ESYT1: variants seen among roughly 807,000 people sequenced by gnomAD.
ESYT1 encodes extended synaptotagmin 1.
In ESYT1, 116 loss-of-function variants were observed where a neutral mutation model predicts 154.2. The observed-to-expected ratio is 0.75, with a 90% confidence interval of 0.65 to 0.88. The LOEUF is 0.88. Among genes scored for constraint, ESYT1 ranks in the 40% least tolerant of loss-of-function variants. The pLI is 0.00. For missense variants in ESYT1, 1,264 were observed against 1,379.3 expected, an observed-to-expected ratio of 0.92 and a Z score of 1.32; for synonymous variants, 500 against 539.9, an observed-to-expected ratio of 0.93 and a Z score of 1.02.
rs1488085231 is a variant in ESYT1, at chr12:56,137,205, C to G, written c.1783-13C>G. ...TGCACTTCTTTGATTCAGCATCATACTACCCTTCCTAGATCCTGTACTTGG... is the reference window on the plus strand; with the variant it reads ...TGCACTTCTTTGATTCAGCATCATAGTACCCTTCCTAGATCCTGTACTTGG... On this transcript the variant is annotated splice_polypyrimidine_tract_variant and intron_variant, in intron 16 of 30. Transcript: ENST00000394048. The G allele has an allele frequency of 1.2e-6, 2 of 1,614,100 alleles. No individual in the cohort carries two copies. The highest frequency in any genetic ancestry group is 4.5e-5 in the East Asian group (2 of 44,886).
In ESYT1 at chr12:56,133,437, A is replaced by G; in HGVS notation, c.1265A>G (p.Lys422Arg). The G allele has an allele frequency of 6.2e-7, 1 of 1,614,188 alleles. No individual in the cohort carries two copies. Among genetic ancestry groups the G allele is most frequent in the African/African-American group, 1.3e-5 (1 of 75,050 alleles). Residue 422 changes from lysine (K) to arginine (R), a missense_variant, in exon 11 of 31, where the codon AAG becomes AGG. By Grantham distance (26) the Lys-to-Arg change is conservative. Coordinates refer to ENST00000394048, the MANE Select transcript of ESYT1 (RefSeq NM_015292.3). ...CTCAGAATGAAGCTGGATGTAGGGA[A>G]GGTGTTACAGGCTAGCGTTCTGGAT... ...FLGRMKLDVG[K>R]VLQASVLDDW... is the part of the protein sequence containing the mutation.
Position 56,142,853 on chromosome 12 carries a change from C to T in ESYT1, c.2907C>T (p.Ala969=), listed in dbSNP as rs753463017. 20 of 1,614,186 alleles carry T rather than the reference C, an allele frequency of 1.2e-5. No individual in the cohort carries two copies. Among genetic ancestry groups the T allele is most frequent in the South Asian group, 4.4e-5 (4 of 91,074 alleles). ...THVDSPLEAP[A]GPLGQVKLTL... The stretch of plus-strand genomic sequence containing the variant: ...TCCACAGTCCCCTTGAGGCTCCAGC[C>T]GGGCCTCTGGGCCAGGTGAAACTGA... Residue 969 remains alanine, a synonymous_variant, in exon 27 of 31, where the codon GCC becomes GCT. Transcript: ENST00000394048. This position sits in a 1 kb window ranked among gnomAD's most constrained non-coding sequence, Gnocchi z 4.1.
intron 21 of ESYT1, 23 bp downstream of exon 21, chr12:56,138,295 G>A (rs1238914381): frequency 6.2e-7 from 1 of 1,613,930 alleles, no homozygotes; most frequent in East Asian, 2.2e-5. Context: ...ACTTGAGGAA[G>A]GAAGGGACCC....
At chr12:56,130,062 C>T (rs1484529329) in intron 1 of ESYT1, among the ~76,000 whole-genome samples, 1 of 152,100 alleles carries the variant, frequency 6.6e-6, no homozygotes, top group Admixed American at 6.5e-5. Flanking sequence ...TACAGTCACG[C>T]GCCACCACGC....
chr12:56,133,069 C>T lies in ESYT1; in HGVS notation c.1244+268C>T, dbSNP rs943547821. Among the ~76,000 whole-genome samples the T allele has an allele frequency of 6.6e-5, 10 of 151,810 alleles. No individual in the cohort carries two copies. In the South Asian group the frequency reaches 1.7e-3, roughly 25 times the overall value. On this transcript the variant is annotated intron_variant, in intron 10 of 30. Coordinates refer to ENST00000394048, the MANE Select transcript of ESYT1 (RefSeq NM_015292.3). ...CCGGGAGGAGGAGTTTGCAGTGAGCCGAGATCGCGCCACTGCACTCCAGCC... is the reference window on the plus strand; with the variant it reads ...CCGGGAGGAGGAGTTTGCAGTGAGCTGAGATCGCGCCACTGCACTCCAGCC...
chr12:56,137,076 G>C, intron 16 of ESYT1, 142 bp from the exon 17 acceptor site: 1 of 1,307,078 alleles, frequency 7.7e-7, no homozygotes, highest in Middle Eastern at 2.4e-4. Context: ...GAGGGGGTGT[G>C]GAGGGAACCC....
chr12:56,139,526 G>T (rs184505084), intron 24 of ESYT1, among the ~76,000 whole-genome samples: 2 of 152,048 alleles, frequency 1.3e-5, no homozygotes, highest in African/African-American at 4.8e-5. Context: ...AAGAAAGGAA[G>T]GGTTCAGGCT....
chr12:56,135,515 A>G (rs764831480), intron 15 of ESYT1, among the ~76,000 whole-genome samples: 3 of 152,084 alleles, frequency 2.0e-5, no homozygotes, highest in Non-Finnish European at 4.4e-5. Flanking sequence ...CACAAAACAT[A>G]GTATCTGCCT....
rs757219691 is a variant in ESYT1 at position 56,143,347 on chromosome 12, A to G, written c.3225+14A>G. 2.2e-5 allele frequency: 36 copies of G among 1,612,462 alleles called. No individual in the cohort carries two copies. In the African/African-American group the frequency reaches 4.7e-4, roughly 21 times the overall value. ...CTGCTGGGGAAGGTAAGAGGGCAGGATGGCAGGGCAGAGGTGAGGGCTGGA... is the reference window on the plus strand; with the variant it reads ...CTGCTGGGGAAGGTAAGAGGGCAGGGTGGCAGGGCAGAGGTGAGGGCTGGA... On this transcript the variant is annotated intron_variant, in intron 29 of 30. Transcript: ENST00000394048.
chr12:56,130,060 C>T (rs375099308), intron 1 of ESYT1, among the ~76,000 whole-genome samples: 20 of 152,092 alleles, frequency 1.3e-4, no homozygotes, highest in East Asian at 1.2e-3. Context: ...ATTACAGTCA[C>T]GCGCCACCAC....
rs747020060 is a variant in ESYT1 at position 56,130,774 on chromosome 12, T to A, written c.433-17T>A. The A allele has an allele frequency of 1.2e-6, 2 of 1,613,676 alleles. No homozygotes were observed. The highest frequency in any genetic ancestry group is 1.7e-6 in the Non-Finnish European group (2 of 1,179,934). ...GGAAGACTGGACTCTCCTCTGACCATCTCTCTTTCCTCCCAGATTGTGGCC... is the reference window on the plus strand; with the variant it reads ...GGAAGACTGGACTCTCCTCTGACCAACTCTCTTTCCTCCCAGATTGTGGCC... On this transcript the variant is annotated splice_polypyrimidine_tract_variant and intron_variant, in intron 2 of 30. Coordinates refer to ENST00000394048, the MANE Select transcript of ESYT1 (RefSeq NM_015292.3).
chr12:56,134,553 C>A, intron 15 of ESYT1, 125 bp downstream of exon 15: 1 of 776,522 alleles, frequency 1.3e-6, no homozygotes, highest in Non-Finnish European at 2.3e-6. Flanking sequence ...GACTCCCCAC[C>A]TCCCTGAATA....
chr12:56,141,543 A>T (rs578006847), intron 24 of ESYT1, among the ~76,000 whole-genome samples: 1 of 152,092 alleles, frequency 6.6e-6, no homozygotes, highest in South Asian at 2.1e-4. Flanking sequence ...GATCGAGACC[A>T]TCCTGGCTAA....
intron 24 of ESYT1, among the ~76,000 whole-genome samples, chr12:56,141,536 C>G (rs576450970): frequency 5.9e-4 from 90 of 152,152 alleles, no homozygotes; most frequent in South Asian, 8.3e-4. Flanking sequence ...GTCAGGAGAT[C>G]GAGACCATCC....
chr12:56,132,522 G>A lies in ESYT1; in HGVS notation c.1086G>A (p.Val362=). 6.2e-7 allele frequency: 1 copy of A among 1,614,176 alleles called. No individual in the cohort carries two copies. ...IEGKSDPYAL[V]RLGTQTFCSR... ...GCAAGTCAGACCCATATGCACTTGT[G>A]CGTTTGGGTACCCAGACATTCTGCA... The change falls in exon 9 of 31, where the codon GTG becomes GTA. Residue 362 remains valine, a synonymous_variant. Transcript: ENST00000394048.
At position 56,130,476 on chromosome 12, in the gene ESYT1, A is replaced by C. The variant is rs1031662025; in HGVS notation, c.391-106A>C. The C allele has an allele frequency of 6.0e-6, 8 of 1,337,524 alleles. No individual in the cohort carries two copies. In the African/African-American group the frequency reaches 1.0e-4, roughly 17 times the overall value. 82.9% of individuals were successfully genotyped at this position (1,337,524 alleles called of 1,614,324 possible). A position where few individuals can be genotyped will look rare whatever the true frequency, so the allele number is the denominator to read the frequency against. On this transcript the variant is annotated intron_variant, in intron 1 of 30. Coordinates refer to ENST00000394048, the MANE Select transcript of ESYT1 (RefSeq NM_015292.3). ...CCCCTCGCCCACCCTGAGTGTGAGG[A>C]GTCACACACACTCCCTCTCCTCTGT...
At chr12:56,141,388 T>A (rs1870677631) in intron 24 of ESYT1, among the ~76,000 whole-genome samples, 1 of 152,252 alleles carries the variant, frequency 6.6e-6, no homozygotes, top group Non-Finnish European at 1.5e-5. Context: ...AAGAAACATT[T>A]ACTTTTAGTT....
At chr12:56,136,696 C>T in intron 15 of ESYT1, 48 bp from the exon 16 acceptor site, 2 of 1,512,780 alleles carry the variant, frequency 1.3e-6, no homozygotes, top group Middle Eastern at 2.1e-4. Context: ...CAGTATGCCT[C>T]CCTTTCCCCT....
intron 24 of ESYT1, among the ~76,000 whole-genome samples, chr12:56,141,633 G>A (rs1870698512): frequency 2.0e-5 from 3 of 152,194 alleles, no homozygotes; most frequent in Non-Finnish European, 4.4e-5. Context: ...CCAGCTACTT[G>A]GGAGGCTGAG....
Sources: allele counts gnomAD v4.1 joint callset (sites outside exome capture counted in the v4.1 genomes callset), GRCh38; gene constraint gnomAD v4.1.1; non-coding constraint Gnocchi (gnomAD v3.1); transcripts MANE v1.5; gene names NCBI Gene and HGNC (gene_info 2026-07-23, HGNC 2026-07-21).